The following KIR3DL3 variants were observed in gnomAD, a reference collection of about 807,000 sequenced individuals.
The protein encoded by KIR3DL3 is killer cell immunoglobulin like receptor, three Ig domains and long cytoplasmic tail 3, also known as killer cell immunoglobulin-like receptor 3DL3.
In KIR3DL3, 27 loss-of-function variants were observed where a neutral mutation model predicts 34.9. The observed-to-expected ratio is 0.77, with a 90% CI of 0.57 to 1.07. The LOEUF (loss-of-function observed/expected upper bound fraction) is 1.07. Among genes scored for constraint, KIR3DL3 ranks in the 50% least tolerant of loss-of-function variants. The pLI is 0.00. For synonymous variants in KIR3DL3, 217 were observed against 200.2 expected (o/e 1.08, Z -0.71); for missense variants, 681 against 528.5 (o/e 1.29, Z -2.83).
intron 2 of KIR3DL3, 124 bp downstream of exon 2, chr19:54,725,406 C>T (rs2068060591): frequency 8.8e-6 from 7 of 794,382 alleles, no homozygotes; most frequent in Non-Finnish European, 1.4e-5. Flanking sequence ...GTGGGAATCT[C>T]TCATGAACTA....
At chr19:54,735,428 T>C (rs2069410797) in intron 6 of KIR3DL3, 71 bp downstream of exon 6, 8 of 761,872 alleles carry the variant, frequency 1.1e-5, no homozygotes, top group Non-Finnish European at 1.2e-5. Flanking sequence ...CACTCAGGTG[T>C]GTGTTCCTCA....
chr19:54,726,124 C>A lies in KIR3DL3; in HGVS notation c.142C>A (p.Gln48Lys). Residue 48 changes from glutamine (Q) to lysine (K), a missense_variant, in exon 3 of 8, where the codon CAG becomes AAG. Physicochemically the swap from Gln to Lys is moderately conservative, Grantham distance 53. Transcript: ENST00000291860. ...GTCTGAAGGACAACATGTGACTCTT[C>A]AGTGTCGCTCTCGTCTTGGGTTTAA... ...VVSEGQHVTLQCRSRLGFNEF... is the reference protein window; with the variant it reads ...VVSEGQHVTLKCRSRLGFNEF... 3 of 1,613,454 alleles carry A rather than the reference C, an allele frequency of 1.9e-6. No homozygotes were observed. Among genetic ancestry groups the A allele is most frequent in the Non-Finnish European group, 2.5e-6 (3 of 1,179,778 alleles).
Position 54,725,237 on chromosome 19 carries a change from T to G in KIR3DL3, c.35-10T>G. On this transcript the variant is annotated splice_polypyrimidine_tract_variant and intron_variant, in intron 1 of 7. Coordinates refer to ENST00000291860, the MANE Select transcript of KIR3DL3 (RefSeq NM_153443.5). ...ACAGATGGATCATCCATCATGATCT[T>G]TCTTTCCAGGGTTCTTCTTGCTGGA... 1 of 1,592,618 alleles carries G rather than the reference T, an allele frequency of 6.3e-7. No homozygotes were observed. Among genetic ancestry groups the G allele is most frequent in the South Asian group, 1.1e-5 (1 of 87,300 alleles).
chr19:54,733,770 A>G (rs1221728866), intron 5 of KIR3DL3, among the ~76,000 whole-genome samples: 1 of 152,172 alleles, frequency 6.6e-6, no homozygotes, highest in Non-Finnish European at 1.5e-5. Context: ...TTCATGGCAT[A>G]AAACTTGCCC....
rs113747579 is a variant in KIR3DL3 at position 54,734,793 on chromosome 19, G to A, written c.950-460G>A. 2.5e-3 allele frequency among the ~76,000 whole-genome samples: 355 copies of A among 143,526 alleles called. 3 individuals are homozygous for A. The highest frequency in any genetic ancestry group is 8.9e-3 in the African/African-American group (336 of 37,794). The allele number at this position is 143,526 out of a possible 152,430, so 94.2% of individuals were successfully genotyped here. ...TCCCACTCTGGCAGAAGGGAAGGAG[G>A]GTCTGTCTGTGCAGAGACCACAGAG... is the stretch of plus-strand genomic sequence containing the variant. On this transcript the variant is annotated intron_variant, in intron 5 of 7. Coordinates refer to ENST00000291860, the MANE Select transcript of KIR3DL3 (RefSeq NM_153443.5).
Position 54,726,353 on chromosome 19 carries a change from T to C in KIR3DL3, c.355+16T>C. 1 of 1,608,802 alleles carries C rather than the reference T, an allele frequency of 6.2e-7. No individual in the cohort carries two copies. Among genetic ancestry groups the C allele is most frequent in the Non-Finnish European group, 8.5e-7 (1 of 1,178,326 alleles). On this transcript the variant is annotated intron_variant, in intron 3 of 7. Transcript: ENST00000291860. ...ATGGTCACAGGTCAGAGGCTTTCTGTCTGGGCTTCTCACTGTCCCACCTCC... is the reference window on the plus strand; with the variant it reads ...ATGGTCACAGGTCAGAGGCTTTCTGCCTGGGCTTCTCACTGTCCCACCTCC...
chr19:54,728,947 TAGAC>T lies in KIR3DL3; in HGVS notation c.656-544_656-541del, dbSNP rs1346647178. 8.1e-5 allele frequency among the ~76,000 whole-genome samples: 12 copies of T among 147,958 alleles called. No homozygotes were observed. In the South Asian group the frequency reaches 2.2e-3, roughly 27 times the overall value. On this transcript the variant is annotated intron_variant, in intron 4 of 7. Coordinates refer to ENST00000291860, the MANE Select transcript of KIR3DL3 (RefSeq NM_153443.5). ...ATGAATGACTGATAGATGATATAGA[TAGAC>T]AAGTAGAAAGACAGACAGATGATAT...
rs2068371687 is a variant in KIR3DL3 at position 54,727,855 on chromosome 19, T to A, written c.600T>A (p.Thr200=). The A allele has an allele frequency of 1.8e-5, 29 of 1,614,032 alleles. No individual in the cohort carries two copies. In the South Asian group the frequency reaches 2.7e-4, roughly 15 times the overall value. ...AGTYRCFGSV[T]HLPYELSAPS... ...CCTACAGATGCTTTGGTTCTGTCAC[T>A]CACTTACCCTATGAGTTGTCGGCTC... The change falls in exon 4 of 8, where the codon ACT becomes ACA. Residue 200 remains threonine (T), a synonymous_variant. Coordinates refer to ENST00000291860, the MANE Select transcript of KIR3DL3 (RefSeq NM_153443.5).
At chr19:54,729,446 G>A in intron 4 of KIR3DL3, 47 bp from the exon 5 acceptor site, 2 of 1,457,446 alleles carry the variant, frequency 1.4e-6, no homozygotes, top group Non-Finnish European at 1.9e-6. Flanking sequence ...GAGGAGAGCT[G>A]TGACAAGGAA....
At chr19:54,728,455 G>A (rs2068442118) in intron 4 of KIR3DL3, among the ~76,000 whole-genome samples, 1 of 148,618 alleles carries the variant, frequency 6.7e-6, no homozygotes, top group Non-Finnish European at 1.5e-5. Flanking sequence ...TGTATGCTGT[G>A]AGTTCCTGGA....
At chr19:54,725,363 G>T in intron 2 of KIR3DL3, 81 bp downstream of exon 2, 1 of 1,074,266 alleles carries the variant, frequency 9.3e-7, no homozygotes, top group Non-Finnish European at 1.3e-6. Context: ...GCGACACAGG[G>T]GGTTGACTGA....
intron 5 of KIR3DL3, among the ~76,000 whole-genome samples, chr19:54,733,418 G>A (rs1241183476): frequency 6.6e-6 from 1 of 152,150 alleles, no homozygotes; most frequent in Non-Finnish European, 1.5e-5. Flanking sequence ...TGTAATCCCA[G>A]CGACTGGGGA....
intron 3 of KIR3DL3, among the ~76,000 whole-genome samples, chr19:54,727,248 A>G (rs2068284189): frequency 8.3e-6 from 1 of 121,174 alleles, no homozygotes; most frequent in East Asian, 2.5e-4. Flanking sequence ...CGGCCTTTCC[A>G]ATCTGTCCAA....
chr19:54,735,295 T>C lies in KIR3DL3; in HGVS notation c.992T>C (p.Val331Ala). Residue 331 changes from valine (V) to alanine (A), a missense_variant, in exon 6 of 8, where the codon GTC becomes GCC. Val to Ala is a moderately conservative substitution (Grantham distance 64). Coordinates refer to ENST00000291860, the MANE Select transcript of KIR3DL3 (RefSeq NM_153443.5). ...NLHVLIGTSV[V>A]IIPFAILLFF... is the part of the protein sequence containing the mutation. ...CACGTTCTGATTGGGACCTCAGTGG[T>C]CATCATCCCCTTTGCTATCCTCCTC... is the stretch of plus-strand genomic sequence containing the variant. 6.6e-7 allele frequency: 1 copy of C among 1,526,292 alleles called. No homozygotes were observed. 94.5% of individuals were successfully genotyped at this position (1,526,292 alleles called of 1,614,324 possible).
Position 54,726,127 on chromosome 19 carries a change from T to C in KIR3DL3, c.145T>C (p.Cys49Arg). The C allele has an allele frequency of 1.9e-6, 3 of 1,613,426 alleles. No individual in the cohort carries two copies. Among genetic ancestry groups the C allele is most frequent in the Non-Finnish European group, 1.7e-6 (2 of 1,179,760 alleles). The stretch of plus-strand genomic sequence containing the variant: ...TGAAGGACAACATGTGACTCTTCAG[T>C]GTCGCTCTCGTCTTGGGTTTAATGA... ...VSEGQHVTLQ[C>R]RSRLGFNEFS... is the part of the protein sequence containing the mutation. The change falls in exon 3 of 8, where the codon TGT (cysteine) becomes CGT (arginine). Residue 49 changes from cysteine to arginine, a missense_variant. Physicochemically the swap from Cys to Arg is radical, Grantham distance 180. Coordinates refer to ENST00000291860, the MANE Select transcript of KIR3DL3 (RefSeq NM_153443.5).
At chr19:54,727,993 G>T in intron 4 of KIR3DL3, 83 bp downstream of exon 4, 1 of 1,376,566 alleles carries the variant, frequency 7.3e-7, no homozygotes, top group Non-Finnish European at 1.0e-6. Flanking sequence ...GTGGTCATGA[G>T]GAAGATGAGT....
intron 1 of KIR3DL3, 76 bp downstream of exon 1, chr19:54,724,606 A>C: frequency 6.4e-7 from 1 of 1,560,190 alleles, no homozygotes; most frequent in Non-Finnish European, 8.7e-7. Flanking sequence ...CTGGGCCTGG[A>C]GTGGAGATAT....
At chr19:54,734,680 A>G (rs1337460116) in intron 5 of KIR3DL3, among the ~76,000 whole-genome samples, 1 of 101,804 alleles carries the variant, frequency 9.8e-6, no homozygotes, top group Non-Finnish European at 2.3e-5. Context: ...TAACTTCTAA[A>G]GACAAGAAAT....
At chr19:54,732,792 CA>C (rs1468298105) in intron 5 of KIR3DL3, among the ~76,000 whole-genome samples, 1 of 152,122 alleles carries the variant, frequency 6.6e-6, no homozygotes, top group African/African-American at 2.4e-5. Context: ...GGGAGAATGA[CA>C]AGACAACTGT....
Sources: allele counts gnomAD v4.1 joint callset (sites outside exome capture counted in the v4.1 genomes callset), GRCh38; gene constraint gnomAD v4.1.1; transcripts MANE v1.5; gene names NCBI Gene and HGNC (gene_info 2026-07-23, HGNC 2026-07-21).